RBPJL: variants seen among roughly 807,000 people sequenced by gnomAD.
RBPJL encodes recombination signal binding protein for immunoglobulin kappa J region like, also known as recombining binding protein suppressor of hairless-like protein.
A neutral mutation model predicts 57.6 loss-of-function variants in RBPJL; 50 were observed. The observed-to-expected ratio is 0.87, with a 90% confidence interval of 0.69 to 1.10. The LOEUF (loss-of-function observed/expected upper bound fraction) is 1.10, where lower values mean the gene tolerates loss of function less well. RBPJL is among the 50% of genes least tolerant of loss of function. RBPJL has a pLI of 0.00. For synonymous variants in RBPJL, 303 were observed against 294.4 expected, an observed-to-expected ratio of 1.03 and a Z score of -0.30; for missense variants, 684 against 693.7, an observed-to-expected ratio of 0.99 and a Z score of 0.16.
At position 45,314,434 on chromosome 20, in the gene RBPJL, CAG is replaced by C; in HGVS notation, c.890_891del (p.Gln297LeufsTer5). Reference protein sequence around the residue: ...PPMIIRKVAKQCALLDVDEPI... With the variant: ...PPMIIRKVAKXCALLDVDEPI... ...GCAGATCATCCGTAAAGTAGCAAAA[CAG>C]TGTGCGCTCCTTGATGTGGATGAGC... is the stretch of plus-strand genomic sequence containing the variant. On this transcript the variant is annotated frameshift_variant, in exon 9 of 12. Coordinates refer to ENST00000343694, the MANE Select transcript of RBPJL (RefSeq NM_014276.4). LOFTEE classifies it high-confidence loss of function. 1 of 1,613,908 alleles carries C rather than the reference CAG, an allele frequency of 6.2e-7. No homozygotes were observed. The highest frequency in any genetic ancestry group is 8.5e-7 in the Non-Finnish European group (1 of 1,179,812).
At chr20:45,310,995 C>G (rs1987133666) in intron 3 of RBPJL, among the ~76,000 whole-genome samples, 1 of 151,602 alleles carries the variant, frequency 6.6e-6, no homozygotes, top group African/African-American at 2.4e-5. Flanking sequence ...TGTCTGTAGT[C>G]TCACCTACTC....
chr20:45,312,457 C>T, intron 6 of RBPJL, 62 bp downstream of exon 6: 15 of 1,541,346 alleles, frequency 9.7e-6, no homozygotes, highest in Non-Finnish European at 1.2e-5. Flanking sequence ...CCCAGAACGG[C>T]TAAACTGGGG....
chr20:45,311,658 AG>A lies in RBPJL; in HGVS notation c.328+1del. 1 of 1,614,026 alleles carries A rather than the reference AG, an allele frequency of 6.2e-7. No individual in the cohort carries two copies. The part of the protein sequence containing the change: ...GWRVKPGQDQ[A>X]HQAGETGPTV... ...GGAGGGTGAAGCCAGGGCAGGATCAAGGTGAGGGCGGAATCAAGGGCTGCCG... is the reference window on the plus strand; with the variant it reads ...GGAGGGTGAAGCCAGGGCAGGATCAAGTGAGGGCGGAATCAAGGGCTGCCG... On this transcript the variant is annotated frameshift_variant and splice_region_variant, in exon 4 of 12. Transcript: ENST00000343694. LOFTEE classifies it high-confidence loss of function.
At position 45,313,998 on chromosome 20, in the gene RBPJL, G is replaced by C. The variant is rs183928374; in HGVS notation, c.758-37G>C. 8 of 1,462,310 alleles carry C rather than the reference G, an allele frequency of 5.5e-6. No individual in the cohort carries two copies. The African/African-American group carries it at 1.1e-4, about 20-fold the overall frequency. The allele number at this position is 1,462,310 out of a possible 1,614,324, so 90.6% of individuals were successfully genotyped here. A position where few individuals can be genotyped will look rare whatever the true frequency, so the allele number is the denominator to read the frequency against. On this transcript the variant is annotated intron_variant, in intron 7 of 11. Transcript: ENST00000343694. ...GGTTTAAGGCAGAAGCTTGGGGGCC[G>C]CTGAAAACCTTGTCCCTTGCTTTTT...
chr20:45,307,532 G>A (rs1039728459), intron 1 of RBPJL, among the ~76,000 whole-genome samples: 7 of 152,296 alleles, frequency 4.6e-5, no homozygotes, highest in African/African-American at 9.6e-5. Flanking sequence ...GAGGGCTAAG[G>A]CACAAGGGGC....
intron 3 of RBPJL, 126 bp downstream of exon 3, chr20:45,309,818 G>C: frequency 5.6e-6 from 7 of 1,249,802 alleles, no homozygotes; most frequent in Non-Finnish European, 6.5e-6. Flanking sequence ...GCTATTGGTC[G>C]ACCAGGGCCT....
chr20:45,309,096 G>A (rs1986997658), intron 2 of RBPJL, among the ~76,000 whole-genome samples: 1 of 151,972 alleles, frequency 6.6e-6, no homozygotes, highest in South Asian at 2.1e-4. Flanking sequence ...CAGGCCAGGA[G>A]CCCAGGAAAG....
chr20:45,310,949 C>CA (rs1452354054), intron 3 of RBPJL, among the ~76,000 whole-genome samples: 1 of 151,486 alleles, frequency 6.6e-6, no homozygotes, highest in Non-Finnish European at 1.5e-5. Flanking sequence ...CATGTCTGTA[C>CA]AAAAAACACA....
Position 45,314,567 on chromosome 20 carries a change from T to C in RBPJL, c.1020+2T>C. 1.2e-6 allele frequency: 2 copies of C among 1,612,048 alleles called. No individual in the cohort carries two copies. The highest frequency in any genetic ancestry group is 2.2e-5 in the South Asian group (2 of 90,890). ...ACAGAGAAGGTGGTGCAATTTCAGG[T>C]AAGAAGCAGAGAATACCAGCACCAA... On this transcript the variant is annotated splice_donor_variant, in intron 9 of 11. Coordinates refer to ENST00000343694, the MANE Select transcript of RBPJL (RefSeq NM_014276.4). LOFTEE classifies it high-confidence loss of function.
At position 45,307,402 on chromosome 20, in the gene RBPJL, T is replaced by C. The variant is rs7262800; in HGVS notation, c.22+458T>C. Among the ~76,000 whole-genome samples the C allele has an allele frequency of 2.5e-3, 382 of 152,246 alleles. 3 individuals carry two copies. Among genetic ancestry groups the C allele is most frequent in the African/African-American group, 8.6e-3 (357 of 41,554 alleles). On this transcript the variant is annotated intron_variant, in intron 1 of 11. Coordinates refer to ENST00000343694, the MANE Select transcript of RBPJL (RefSeq NM_014276.4). ...GCCTGGTAGAAGAACATAAATCCTC[T>C]GGCAGGGCCCGTCGTGGGAGGGTGA...
At position 45,316,166 on chromosome 20, in the gene RBPJL, T is replaced by G. The variant is rs776277851; in HGVS notation, c.1021-21T>G. Reference sequence around the variant, plus strand: ...GCCACCATGAGAAGCTTCGGCCTCGTCCCCTTGGGTCTCCTCCCAGGCCTC... The same window carrying G: ...GCCACCATGAGAAGCTTCGGCCTCGGCCCCTTGGGTCTCCTCCCAGGCCTC... On this transcript the variant is annotated intron_variant, in intron 9 of 11. Coordinates refer to ENST00000343694, the MANE Select transcript of RBPJL (RefSeq NM_014276.4). 5 of 1,606,642 alleles carry G rather than the reference T, an allele frequency of 3.1e-6. No homozygotes were observed. In the African/African-American group the frequency reaches 6.7e-5, roughly 21 times the overall value.
intron 2 of RBPJL, 163 bp downstream of exon 2, chr20:45,308,414 G>A: frequency 3.3e-6 from 2 of 598,236 alleles, no homozygotes; most frequent in South Asian, 2.0e-5. Context: ...TCCTGAGGGG[G>A]GGCAAACCCA....
intron 1 of RBPJL, among the ~76,000 whole-genome samples, chr20:45,307,935 A>C (rs1183887497): frequency 6.6e-6 from 1 of 152,112 alleles, no homozygotes; most frequent in Non-Finnish European, 1.5e-5. Flanking sequence ...AATTCTCAAA[A>C]GTCCCTTAGG....
Position 45,317,016 on chromosome 20 carries a change from G to A in RBPJL, c.*57G>A, listed in dbSNP as rs947270863. On this transcript the variant is annotated 3_prime_UTR_variant, in exon 12 of 12. Coordinates refer to ENST00000343694, the MANE Select transcript of RBPJL (RefSeq NM_014276.4). ...GAGGGCTGCGCCCGCGCCAGGCGCGGGGACGTGTTTCTGGGTTCTAGGCCC... is the reference window on the plus strand; with the variant it reads ...GAGGGCTGCGCCCGCGCCAGGCGCGAGGACGTGTTTCTGGGTTCTAGGCCC... The A allele has an allele frequency of 2.6e-6, 4 of 1,554,422 alleles. No individual in the cohort carries two copies. The highest frequency in any genetic ancestry group is 2.7e-5 in the African/African-American group (2 of 73,050).
rs191462596 is a variant in RBPJL at position 45,309,736 on chromosome 20, C to T, written c.257+44C>T. 5.3e-5 allele frequency: 86 copies of T among 1,607,736 alleles called. No individual in the cohort carries two copies. The African/African-American group carries it at 9.9e-4, about 18-fold the overall frequency. ...CCTCCCAGGTCTCTGCAACTGTCAGCCCTATGCACCTCCTCCATCCACCCA... is the reference window on the plus strand; with the variant it reads ...CCTCCCAGGTCTCTGCAACTGTCAGTCCTATGCACCTCCTCCATCCACCCA... On this transcript the variant is annotated intron_variant, in intron 3 of 11. Transcript: ENST00000343694.
Position 45,311,532 on chromosome 20 carries a change from T to G in RBPJL, c.258-57T>G, listed in dbSNP as rs1987165617. On this transcript the variant is annotated intron_variant, in intron 3 of 11. Transcript: ENST00000343694. The stretch of plus-strand genomic sequence containing the variant: ...GTTTATGCTACTACCTTGCCGTGCT[T>G]ACAGGAGAGCCAAGTGGAGATGGAT... 4.5e-6 allele frequency: 7 copies of G among 1,555,548 alleles called. No homozygotes were observed. In the East Asian group the frequency reaches 1.6e-4, roughly 35 times the overall value.
rs982495987 is a variant in RBPJL at position 45,308,642 on chromosome 20, G to A, written c.131+391G>A. On this transcript the variant is annotated intron_variant, in intron 2 of 11. Transcript: ENST00000343694. ...TGTCTGGCCTGGCTTTCGAGGGTGC[G>A]GTCTTGCGCTGTCCCCTCCAGGAGT... 1.3e-4 allele frequency: 29 copies of A among 224,838 alleles called. 1 individual carries two copies. The highest frequency in any genetic ancestry group is 7.1e-4 in the Admixed American group (14 of 19,820). The allele number at this position is 224,838 out of a possible 1,614,324, so 13.9% of individuals were successfully genotyped here.
In RBPJL at chr20:45,313,819, C is replaced by T. The variant is rs189638279; in HGVS notation, c.757+214C>T. Among the ~76,000 whole-genome samples, 369 of 152,346 alleles carry T rather than the reference C, an allele frequency of 2.4e-3. 3 individuals carry two copies. The highest frequency in any genetic ancestry group is 8.3e-3 in the African/African-American group (345 of 41,574). On this transcript the variant is annotated intron_variant, in intron 7 of 11. Transcript: ENST00000343694. ...CTTTCCCCATATATCAACTAAGCTGCCTGCCCCCAACCCCTGCCCCCAGGG... is the reference window on the plus strand; with the variant it reads ...CTTTCCCCATATATCAACTAAGCTGTCTGCCCCCAACCCCTGCCCCCAGGG...
rs1257391297 is a variant in RBPJL, at chr20:45,316,189, C to G, written c.1023C>G (p.Ala341=). 1 of 1,613,192 alleles carries G rather than the reference C, an allele frequency of 6.2e-7. No individual in the cohort carries two copies. The highest frequency in any genetic ancestry group is 8.5e-7 in the Non-Finnish European group (1 of 1,179,326). Residue 341 remains alanine, a splice_region_variant and synonymous_variant, in exon 10 of 12, where the codon GCC becomes GCG. Coordinates refer to ENST00000343694, the MANE Select transcript of RBPJL (RefSeq NM_014276.4). ...LATEKVVQFQ[A]SPCPKEANRA... is the part of the protein sequence containing the mutation. ...CGTCCCCTTGGGTCTCCTCCCAGGC[C>G]TCTCCCTGCCCCAAGGAGGCGAACA...
Sources: gnomAD v4.1 joint callset for allele counts (sites outside exome capture counted in the v4.1 genomes callset) on GRCh38, gnomAD v4.1.1 for gene constraint, MANE v1.5 for transcripts, NCBI Gene and HGNC (gene_info 2026-07-23, HGNC 2026-07-21) for gene names.